The following RIN2 variants were observed in gnomAD, a reference collection of about 807,000 sequenced individuals.
RIN2 encodes Ras and Rab interactor 2.
In RIN2, 36 loss-of-function variants were observed where a neutral mutation model predicts 78.0. That is an observed-to-expected ratio of 0.46 (90% CI 0.35 to 0.61). RIN2 has a LOEUF of 0.61. RIN2 is among the 20% of genes least tolerant of loss of function. RIN2 has a pLI of 0.00. For missense variants in RIN2, 1,087 were observed against 1,159.7 expected (o/e 0.94, Z 0.91); for synonymous variants, 466 against 466.8 (o/e 1.00, Z 0.02).
chr20:19,959,074 G>A (rs2041650901), intron 5 of RIN2, among the ~76,000 whole-genome samples: 1 of 152,148 alleles, frequency 6.6e-6, no homozygotes, highest in South Asian at 2.1e-4. Context: ...TGGCTTTGCA[G>A]GCCATAGAGT....
At chr20:19,940,283 G>A (rs1376321323) in intron 4 of RIN2, among the ~76,000 whole-genome samples, 1 of 152,172 alleles carries the variant, frequency 6.6e-6, no homozygotes, top group Non-Finnish European at 1.5e-5. Context: ...GCAAGTATTT[G>A]TTGAATGGAT....
At chr20:19,945,972 G>A (rs1004432528) in intron 4 of RIN2, among the ~76,000 whole-genome samples, 2 of 152,180 alleles carry the variant, frequency 1.3e-5, no homozygotes, top group African/African-American at 2.4e-5. Flanking sequence ...CTGGAGCTGA[G>A]CAGCGGATTC....
chr20:19,924,351 T>C (rs1333991589), intron 3 of RIN2, among the ~76,000 whole-genome samples: 1 of 6,966 alleles, frequency 1.4e-4, no homozygotes, highest in Non-Finnish European at 2.4e-4. Context: ...ATACCCCACC[T>C]CTTCATACCC....
chr20:19,958,447 T>C lies in RIN2; in HGVS notation c.351+1640T>C, dbSNP rs543338709. 3.2e-4 allele frequency among the ~76,000 whole-genome samples: 49 copies of C among 152,368 alleles called. No individual in the cohort carries two copies. The South Asian group carries it at 8.7e-3, about 27-fold the overall frequency. On this transcript the variant is annotated intron_variant, in intron 5 of 12. Coordinates refer to ENST00000255006, the MANE Select transcript of RIN2 (RefSeq NM_018993.4). Reference sequence around the variant, plus strand: ...ACGTCCACTCTTGCTGAAACCTGCATGGGAAACAAGCCAGGCATGTTCTCT... The same window carrying C: ...ACGTCCACTCTTGCTGAAACCTGCACGGGAAACAAGCCAGGCATGTTCTCT...
At chr20:19,904,398 T>C (rs2039130309) in intron 3 of RIN2, among the ~76,000 whole-genome samples, 1 of 151,816 alleles carries the variant, frequency 6.6e-6, no homozygotes, top group South Asian at 2.1e-4. Context: ...GGGCACCGGG[T>C]ATGCGGTGCT....
At chr20:19,807,990 G>C (rs1468576407) in intron 2 of RIN2, among the ~76,000 whole-genome samples, 1 of 152,182 alleles carries the variant, frequency 6.6e-6, no homozygotes, top group Non-Finnish European at 1.5e-5. Context: ...TGGCATCACT[G>C]TTGTGTTCTT....
At chr20:19,994,158 G>A (rs535814364) in intron 11 of RIN2, among the ~76,000 whole-genome samples, 14 of 152,314 alleles carry the variant, frequency 9.2e-5, no homozygotes, top group East Asian at 7.7e-4. Flanking sequence ...TGGTGAGCTC[G>A]CACTTAAATA....
At chr20:19,849,523 A>G (rs1000616178) in intron 2 of RIN2, among the ~76,000 whole-genome samples, 7 of 152,172 alleles carry the variant, frequency 4.6e-5, no homozygotes, top group African/African-American at 1.2e-4. Context: ...CCAGAAGTGG[A>G]AAGATTTTTA....
intron 2 of RIN2, among the ~76,000 whole-genome samples, chr20:19,801,376 A>G (rs1377532090): frequency 6.6e-6 from 1 of 151,980 alleles, no homozygotes; most frequent in African/African-American, 2.4e-5. Context: ...GCTGGAGTGC[A>G]GTGGCGCAAT....
chr20:19,943,975 C>CTTT lies in RIN2; in HGVS notation c.158+8801_158+8803dup, dbSNP rs58524523. Among the ~76,000 whole-genome samples, 29 of 95,900 alleles carry CTTT rather than the reference C, an allele frequency of 3.0e-4. No homozygotes were observed. The South Asian group carries it at 6.5e-3, about 22-fold the overall frequency. 62.9% of individuals were successfully genotyped at this position (95,900 alleles called of 152,430 possible). A position where few individuals can be genotyped will look rare whatever the true frequency, so the allele number is the denominator to read the frequency against. ...ACATGTTTAATTCCATTTCAATATC[C>CTTT]TTTTTTTTTTTTTTTTTTTTTTTTT... is the stretch of plus-strand genomic sequence containing the variant. On this transcript the variant is annotated intron_variant, in intron 4 of 12. Coordinates refer to ENST00000255006, the MANE Select transcript of RIN2 (RefSeq NM_018993.4).
rs1446273401 is a variant in RIN2, at chr20:19,990,205, C to A, written c.1962C>A (p.Ile654=). Residue 654 remains isoleucine, a synonymous_variant, in exon 10 of 13, where the codon ATC becomes ATA. Coordinates refer to ENST00000255006, the MANE Select transcript of RIN2 (RefSeq NM_018993.4). ...CTGATTTTGTGGATGTGGAGAAAATCAAAGTCAAGTTCATGACCATGCAGA... is the reference window on the plus strand; with the variant it reads ...CTGATTTTGTGGATGTGGAGAAAATAAAAGTCAAGTTCATGACCATGCAGA... ...PTPDFVDVEK[I]KVKFMTMQKM... 6.2e-7 allele frequency: 1 copy of A among 1,611,294 alleles called. No individual in the cohort carries two copies. The highest frequency in any genetic ancestry group is 1.1e-5 in the South Asian group (1 of 90,218).
intron 1 of RIN2, among the ~76,000 whole-genome samples, chr20:19,775,205 T>G (rs1468381355): frequency 6.6e-6 from 1 of 152,110 alleles, no homozygotes; most frequent in African/African-American, 2.4e-5. Context: ...GAGGATAAAA[T>G]TGTCTAAGAA....
chr20:20,000,858 C>T lies in RIN2; in HGVS notation c.2610C>T (p.His870=), dbSNP rs762603322. The T allele has an allele frequency of 1.9e-6, 3 of 1,614,032 alleles. No individual in the cohort carries two copies. In the South Asian group the frequency reaches 3.3e-5, roughly 18 times the overall value. ...GCCGACCACAGCCCCACATCTTCCA[C>T]TTTGTCTACAAACGCATCAAGAACG... The part of the protein sequence containing the change: ...LHSRPQPHIF[H]FVYKRIKNDP... The change falls in exon 13 of 13, where the codon CAC becomes CAT. Residue 870 remains histidine, a synonymous_variant. Transcript: ENST00000255006.
intron 3 of RIN2, among the ~76,000 whole-genome samples, chr20:19,922,299 A>G (rs2039956838): frequency 6.6e-6 from 1 of 152,122 alleles, no homozygotes; most frequent in African/African-American, 2.4e-5. Context: ...GAGACCCTTC[A>G]TGGTCTCTGC....
intron 1 of RIN2, among the ~76,000 whole-genome samples, chr20:19,762,433 T>G (rs1183780423): frequency 1.3e-5 from 2 of 152,212 alleles, no homozygotes; most frequent in African/African-American, 4.8e-5. Context: ...TCTGCAGACA[T>G]TTCTAGGTCT....
chr20:19,904,267 T>TATATATATATATATATAAA, intron 3 of RIN2, among the ~76,000 whole-genome samples: 1 of 147,562 alleles, frequency 6.8e-6, no homozygotes, highest in Admixed American at 6.8e-5. Context: ...ATATAAAATA[T>TATATATATATATATATAAA]ATATATATAT....
chr20:19,907,095 C>T (rs1248070596), intron 3 of RIN2, among the ~76,000 whole-genome samples: 3 of 152,006 alleles, frequency 2.0e-5, no homozygotes, highest in Non-Finnish European at 2.9e-5. Flanking sequence ...GCAGAGAGTA[C>T]ATGTGCATGC....
intron 2 of RIN2, among the ~76,000 whole-genome samples, chr20:19,853,024 G>T (rs373381288): frequency 3.7e-5 from 5 of 134,944 alleles, no homozygotes; most frequent in Admixed American, 7.8e-5. Flanking sequence ...CTAATGCTAT[G>T]CCTCCCCCTC....
At chr20:19,853,249 G>A (rs949256481) in intron 2 of RIN2, among the ~76,000 whole-genome samples, 4 of 151,956 alleles carry the variant, frequency 2.6e-5, no homozygotes, top group African/African-American at 7.3e-5. Context: ...TCCATGGTGT[G>A]TATGTGTCAC....
Sources: allele counts gnomAD v4.1 joint callset (sites outside exome capture counted in the v4.1 genomes callset), GRCh38; gene constraint gnomAD v4.1.1; transcripts MANE v1.5; gene names NCBI Gene and HGNC (gene_info 2026-07-23, HGNC 2026-07-21).